Variants in PCDHGA6 observed in about 807,000 individuals in gnomAD.
PCDHGA6 encodes the protein protocadherin gamma-A6.
PCDHGA6 carries 41 observed loss-of-function variants against 60.6 expected under a neutral mutation model. That is an observed-to-expected ratio of 0.68 (90% CI 0.53 to 0.88). The LOEUF (loss-of-function observed/expected upper bound fraction) is 0.88, where lower values mean the gene tolerates loss of function less well. PCDHGA6 is among the 40% of genes least tolerant of loss of function. The pLI is 0.00. For missense variants in PCDHGA6, 1,312 were observed against 1,203.0 expected, an observed-to-expected ratio of 1.09 and a Z score of -1.34; for synonymous variants, 594 against 524.4, an observed-to-expected ratio of 1.13 and a Z score of -1.81.
At chr5:141,395,508 A>G (rs1313015738) in intron 1 of PCDHGA6, 3 of 461,062 alleles carry the variant, frequency 6.5e-6, no homozygotes, top group Non-Finnish European at 1.1e-5. Flanking sequence ...CTTAAGAAGT[A>G]GCTACCCGTC....
chr5:141,417,900 G>C, intron 1 of PCDHGA6: 2 of 1,583,452 alleles, frequency 1.3e-6, no homozygotes, highest in Non-Finnish European at 1.7e-6. Context: ...GCCGGCCCGC[G>C]GCAGGTACTA....
intron 1 of PCDHGA6, chr5:141,418,426 C>A: frequency 6.2e-7 from 1 of 1,613,948 alleles, no homozygotes; most frequent in South Asian, 1.1e-5. Flanking sequence ...CTGATGGTGG[C>A]AAATATCCAG....
chr5:141,496,959 G>C (rs1451127360), intron 2 of PCDHGA6, among the ~76,000 whole-genome samples: 2 of 151,894 alleles, frequency 1.3e-5, no homozygotes, highest in Non-Finnish European at 2.9e-5. Flanking sequence ...GCCAAGGTGG[G>C]TAGATCACTT....
intron 1 of PCDHGA6, chr5:141,388,215 G>A (rs2091280920): frequency 6.3e-7 from 1 of 1,597,062 alleles, no homozygotes. Flanking sequence ...GGCTGTTGCT[G>A]AAAATCCACT....
At position 141,485,348 on chromosome 5, in the gene PCDHGA6, C is replaced by A; in HGVS notation, c.2425-9459C>A. ...AGATTTCCTGCTGGATACGGACAGT[C>A]TGTCAGCTCGCAGGCTGCAGGTCGC... On this transcript the variant is annotated intron_variant, in intron 1 of 3. Coordinates refer to ENST00000517434, the MANE Select transcript of PCDHGA6 (RefSeq NM_018919.3). This position sits in a 1 kb window ranked among gnomAD's most constrained non-coding sequence, Gnocchi z 5.7. 6.2e-7 allele frequency: 1 copy of A among 1,614,146 alleles called. No individual in the cohort carries two copies. Among genetic ancestry groups the A allele is most frequent in the Non-Finnish European group, 8.5e-7 (1 of 1,180,008 alleles).
Position 141,486,567 on chromosome 5 carries a change from C to T in PCDHGA6, c.2425-8240C>T, listed in dbSNP as rs1562113360. On this transcript the variant is annotated intron_variant, in intron 1 of 3. Transcript: ENST00000517434. The surrounding 1 kb of genome is among the most constrained non-coding windows in gnomAD (Gnocchi z 5.0). ...CAGAGGTCACATGAGGTGTTTGTTCCTGAGAACAATCGCCCAGGGGACCTG... is the reference window on the plus strand; with the variant it reads ...CAGAGGTCACATGAGGTGTTTGTTCTTGAGAACAATCGCCCAGGGGACCTG... The T allele has an allele frequency of 6.2e-7, 1 of 1,613,918 alleles. No homozygotes were observed. The highest frequency in any genetic ancestry group is 8.5e-7 in the Non-Finnish European group (1 of 1,179,986).
At chr5:141,423,354 C>A in intron 1 of PCDHGA6, 1 of 1,614,202 alleles carries the variant, frequency 6.2e-7, no homozygotes. Context: ...TGGTCTTTGT[C>A]ATCGTGCTGC....
chr5:141,449,588 CAAAAAAAAAAA>C (rs768743917), intron 1 of PCDHGA6, among the ~76,000 whole-genome samples: 1 of 57,492 alleles, frequency 1.7e-5, no homozygotes, highest in Non-Finnish European at 3.7e-5. Flanking sequence ...GACTCTGTCT[CAAAAAAAAAAA>C]AAAAAAAAGT....
intron 2 of PCDHGA6, among the ~76,000 whole-genome samples, chr5:141,502,866 C>CTCTTTTTTT (rs1554188502): frequency 7.8e-6 from 1 of 128,046 alleles, no homozygotes; most frequent in African/African-American, 3.1e-5. Context: ...GACTCTCTGT[C>CTCTTTTTTT]TTTTTTTTTT....
At chr5:141,418,405 G>T in intron 1 of PCDHGA6, 1 of 1,614,020 alleles carries the variant, frequency 6.2e-7, no homozygotes, top group African/African-American at 1.3e-5. Context: ...CATTGGTGGA[G>T]AAAGACAATC....
At chr5:141,467,693 G>C (rs543886467) in intron 1 of PCDHGA6, among the ~76,000 whole-genome samples, 49 of 152,108 alleles carry the variant, frequency 3.2e-4, no homozygotes, top group African/African-American at 1.1e-3. Flanking sequence ...ACAGGGTCTG[G>C]CTCTGTTGCC....
At chr5:141,468,346 A>AG (rs2099164784) in intron 1 of PCDHGA6, 33 of 147,324 alleles carry the variant, frequency 2.2e-4, no homozygotes, top group Middle Eastern at 6.9e-3. Flanking sequence ...AAAAAAAAAA[A>AG]AAAGAAAGAA....
Position 141,490,795 on chromosome 5 carries a change from C to G in PCDHGA6, c.2425-4012C>G. The G allele has an allele frequency of 6.2e-7, 1 of 1,614,036 alleles. No homozygotes were observed. The highest frequency in any genetic ancestry group is 1.1e-5 in the South Asian group (1 of 91,084). Reference sequence around the variant, plus strand: ...CCCAGAGGATGGACGGATCTTTGCCCAGCGTACCTTTGACTATGAATTGCT... The same window carrying G: ...CCCAGAGGATGGACGGATCTTTGCCGAGCGTACCTTTGACTATGAATTGCT... On this transcript the variant is annotated intron_variant, in intron 1 of 3. Transcript: ENST00000517434. This position sits in a 1 kb window ranked among gnomAD's most constrained non-coding sequence, Gnocchi z 5.4.
chr5:141,381,188 T>G (rs1271101708), intron 1 of PCDHGA6, among the ~76,000 whole-genome samples: 1 of 152,222 alleles, frequency 6.6e-6, no homozygotes, highest in Non-Finnish European at 1.5e-5. Context: ...GAAGTTAAGC[T>G]TTCTTAGTGT....
At chr5:141,383,438 T>G (rs771107415) in intron 1 of PCDHGA6, 1 of 1,613,960 alleles carries the variant, frequency 6.2e-7, no homozygotes, top group South Asian at 1.1e-5. Flanking sequence ...CACTTCTCCC[T>G]GGCTGTGCAA....
chr5:141,482,069 G>A (rs892777397), intron 1 of PCDHGA6, among the ~76,000 whole-genome samples: 1 of 138,078 alleles, frequency 7.2e-6, no homozygotes, highest in Non-Finnish European at 1.5e-5. Context: ...TGGGCAACAA[G>A]AACAAAACTC....
intron 1 of PCDHGA6, chr5:141,422,941 G>C (rs777535652): frequency 1.2e-6 from 2 of 1,614,218 alleles, no homozygotes; most frequent in Non-Finnish European, 1.7e-6. Context: ...CCCCACAGAC[G>C]GCTCCACTGG....
At chr5:141,400,533 C>T in intron 1 of PCDHGA6, 11 of 1,613,902 alleles carry the variant, frequency 6.8e-6, no homozygotes, top group Non-Finnish European at 9.3e-6. Context: ...TGGTGAGTTT[C>T]ATTTATGTCT....
chr5:141,434,727 A>C (rs1344107083), intron 1 of PCDHGA6, among the ~76,000 whole-genome samples: 1 of 152,052 alleles, frequency 6.6e-6, no homozygotes. Context: ...CAGGGCTCTC[A>C]GCTCTGAAGG....
Sources: allele counts gnomAD v4.1 joint callset (sites outside exome capture counted in the v4.1 genomes callset), GRCh38; gene constraint gnomAD v4.1.1; non-coding constraint Gnocchi (gnomAD v3.1); transcripts MANE v1.5; gene names NCBI Gene and HGNC (gene_info 2026-07-23, HGNC 2026-07-21).